The following MTREX variants were observed in gnomAD, a reference collection of about 807,000 sequenced individuals.
MTREX encodes the protein Mtr4 exosome RNA helicase.
In MTREX, 76 loss-of-function variants were observed where a neutral mutation model predicts 135.4. The observed-to-expected ratio is 0.56, with a 90% CI of 0.47 to 0.68. MTREX has a LOEUF of 0.68. Among genes scored for constraint, MTREX ranks in the 30% least tolerant of loss-of-function variants. MTREX has a pLI of 0.00. For missense variants in MTREX, 920 were observed against 1,262.1 expected (o/e 0.73, Z 4.11); for synonymous variants, 404 against 401.6 (o/e 1.01, Z -0.07).
At chr5:55,313,481 A>C (rs549524359) in intron 1 of MTREX, among the ~76,000 whole-genome samples, 1 of 152,150 alleles carries the variant, frequency 6.6e-6, no homozygotes, top group Non-Finnish European at 1.5e-5. Context: ...TGACAATTAC[A>C]TAATTAAACT....
intron 16 of MTREX, among the ~76,000 whole-genome samples, chr5:55,368,692 C>T (rs961010028): frequency 6.6e-6 from 1 of 152,090 alleles, no homozygotes; most frequent in Non-Finnish European, 1.5e-5. Context: ...ATCCTCCCAG[C>T]TCAGCTGGAC....
At chr5:55,336,467 A>AT (rs1749554641) in intron 5 of MTREX, among the ~76,000 whole-genome samples, 1 of 152,172 alleles carries the variant, frequency 6.6e-6, no homozygotes, top group Non-Finnish European at 1.5e-5. Flanking sequence ...TTGTGAAATG[A>AT]TTTTTCCATC....
In MTREX at chr5:55,326,325, G is replaced by A. The variant is rs549529260; in HGVS notation, c.340-1391G>A. 3.9e-5 allele frequency among the ~76,000 whole-genome samples: 6 copies of A among 152,258 alleles called. No homozygotes were observed. The East Asian group carries it at 1.2e-3, about 29-fold the overall frequency. On this transcript the variant is annotated intron_variant, in intron 3 of 26. Transcript: ENST00000230640. Reference sequence around the variant, plus strand: ...TGAGGCAGGGGAATTGCTTGAACCAGGGAGGTGGAGGTTGCAGTGAGCTGA... The same window carrying A: ...TGAGGCAGGGGAATTGCTTGAACCAAGGAGGTGGAGGTTGCAGTGAGCTGA...
chr5:55,348,905 A>G (rs1001139967), intron 11 of MTREX, among the ~76,000 whole-genome samples: 3 of 152,236 alleles, frequency 2.0e-5, no homozygotes, highest in Non-Finnish European at 4.4e-5. Context: ...CACAGTTAAT[A>G]GTGGTGCTAA....
intron 25 of MTREX, among the ~76,000 whole-genome samples, chr5:55,418,462 C>T (rs936176111): frequency 1.4e-5 from 2 of 147,620 alleles, no homozygotes; most frequent in South Asian, 4.5e-4. Flanking sequence ...TATGAGTTGA[C>T]TTTTTCCACA....
In MTREX at chr5:55,424,793, G is replaced by A; in HGVS notation, c.*21G>A. The A allele has an allele frequency of 6.3e-7, 1 of 1,580,396 alleles. No homozygotes were observed. The highest frequency in any genetic ancestry group is 8.7e-7 in the Non-Finnish European group (1 of 1,149,836). ...TGTAGAGTCAGCTAAAGGAATGTGA[G>A]ATTTTAAATTATTGACCACCTGTTT... On this transcript the variant is annotated 3_prime_UTR_variant, in exon 27 of 27. Transcript: ENST00000230640.
At chr5:55,409,262 A>G (rs1407304051) in intron 22 of MTREX, among the ~76,000 whole-genome samples, 3 of 151,698 alleles carry the variant, frequency 2.0e-5, no homozygotes, top group African/African-American at 7.3e-5. Context: ...TTCTAGGGAT[A>G]TATATATATA....
intron 18 of MTREX, among the ~76,000 whole-genome samples, chr5:55,383,834 A>T (rs190865898): frequency 1.3e-5 from 2 of 152,130 alleles, no homozygotes; most frequent in Non-Finnish European, 2.9e-5. Flanking sequence ...CAGTGGTGCA[A>T]TCATGGCTTA....
Position 55,324,100 on chromosome 5 carries a change from T to C in MTREX, c.273-32T>C, listed in dbSNP as rs1339167250. ...TATCAAATTATAGAAAAGTAATTTG[T>C]TTTTGTGTAACTTTAAACAATTCTT... is the stretch of plus-strand genomic sequence containing the variant. On this transcript the variant is annotated intron_variant, in intron 2 of 26. Transcript: ENST00000230640. 2.6e-6 allele frequency: 4 copies of C among 1,526,558 alleles called. No individual in the cohort carries two copies. In the South Asian group the frequency reaches 4.7e-5, roughly 18 times the overall value. The allele number at this position is 1,526,558 out of a possible 1,614,324, so 94.6% of individuals were successfully genotyped here. A position where few individuals can be genotyped will look rare whatever the true frequency, so the allele number is the denominator to read the frequency against.
intron 20 of MTREX, among the ~76,000 whole-genome samples, chr5:55,398,870 A>T (rs1750682236): frequency 6.6e-6 from 1 of 152,198 alleles, no homozygotes; most frequent in Non-Finnish European, 1.5e-5. Flanking sequence ...ACAAAGTTAG[A>T]CTATTTTTTT....
At chr5:55,391,015 G>C (rs746028851) in intron 19 of MTREX, among the ~76,000 whole-genome samples, 3 of 152,006 alleles carry the variant, frequency 2.0e-5, no homozygotes, top group Admixed American at 6.5e-5. Flanking sequence ...ATTTTTCTCT[G>C]TGTATAGGTC....
intron 15 of MTREX, among the ~76,000 whole-genome samples, chr5:55,366,483 A>G (rs1300987230): frequency 6.6e-6 from 1 of 152,146 alleles, no homozygotes; most frequent in Non-Finnish European, 1.5e-5. Flanking sequence ...TCATATGCTT[A>G]GAGGGCAGAG....
At chr5:55,347,402 CCTT>C (rs1426969091) in intron 11 of MTREX, among the ~76,000 whole-genome samples, 1 of 152,040 alleles carries the variant, frequency 6.6e-6, no homozygotes, top group Admixed American at 6.5e-5. Context: ...TAGAATCATG[CCTT>C]CTTATACTTT....
At chr5:55,360,553 G>T (rs1042023422) in intron 15 of MTREX, among the ~76,000 whole-genome samples, 7 of 152,128 alleles carry the variant, frequency 4.6e-5, no homozygotes, top group Admixed American at 4.6e-4. Context: ...TAGTTGCACC[G>T]TTTTACATTC....
At chr5:55,368,417 T>C (rs1750138483) in intron 16 of MTREX, among the ~76,000 whole-genome samples, 1 of 152,118 alleles carries the variant, frequency 6.6e-6, no homozygotes, top group African/African-American at 2.4e-5. Context: ...ACCACTGCAC[T>C]TCAGCCTGGG....
chr5:55,372,482 G>GTCTTTC (rs10674576), intron 16 of MTREX, among the ~76,000 whole-genome samples: 21,245 of 151,978 alleles, frequency 0.14, 1,844 homozygotes, highest in East Asian at 0.26. Context: ...TATATTCTGT[G>GTCTTTC]TCTTTCATCA....
chr5:55,334,806 A>T (rs1749529707), intron 5 of MTREX, among the ~76,000 whole-genome samples: 1 of 152,096 alleles, frequency 6.6e-6, no homozygotes, highest in African/African-American at 2.4e-5. Flanking sequence ...GTAAACATTC[A>T]TGTGCAAGTC....
chr5:55,371,202 T>A (rs984301811), intron 16 of MTREX, among the ~76,000 whole-genome samples: 7 of 152,166 alleles, frequency 4.6e-5, no homozygotes, highest in Non-Finnish European at 1.0e-4. Flanking sequence ...TCCAGTACAT[T>A]CAAGTTCTAA....
chr5:55,409,394 T>C (rs1750853673), intron 22 of MTREX, among the ~76,000 whole-genome samples: 1 of 152,204 alleles, frequency 6.6e-6, no homozygotes, highest in Non-Finnish European at 1.5e-5. Flanking sequence ...CATCTTTTAT[T>C]ATTTGTGCAC....
Sources: gnomAD v4.1 joint callset for allele counts (sites outside exome capture counted in the v4.1 genomes callset) on GRCh38, gnomAD v4.1.1 for gene constraint, MANE v1.5 for transcripts, NCBI Gene and HGNC (gene_info 2026-07-23, HGNC 2026-07-21) for gene names.